VCPKMT: variants seen among roughly 807,000 people sequenced by gnomAD.
The protein encoded by VCPKMT is protein N-lysine methyltransferase METTL21D.
In VCPKMT, 32 loss-of-function variants were observed where a neutral mutation model predicts 28.6. That is an observed-to-expected ratio of 1.12 (90% CI 0.84 to 1.50). The LOEUF (loss-of-function observed/expected upper bound fraction) is 1.50, where lower values mean the gene tolerates loss of function less well. VCPKMT is among the 40% of genes most tolerant of loss of function. The probability of loss-of-function intolerance (pLI) is 0.00; values close to 1 mark genes in which losing one functional copy is unlikely to be tolerated. For missense variants in VCPKMT, 366 were observed against 285.0 expected (o/e 1.28, Z -2.05); for synonymous variants, 138 against 111.4 (o/e 1.24, Z -1.50).
the VCPKMT span, among the ~76,000 whole-genome samples, chr14:50,102,983 C>T: frequency 6.6e-6 from 1 of 152,242 alleles, no homozygotes; most frequent in Non-Finnish European, 1.5e-5. Flanking sequence ...GCATATGGCC[C>T]AGGACATCTT....
rs771190155 is a variant in VCPKMT, at chr14:50,116,522, CCTCCAGCGAGGA to C, written c.19_30del (p.Ser7_Glu10del). ...ACTCGCACAAAGCTCCGCAGTGGGT[CCTCCAGCGAGGA>C]CTCCAGCGTATCCGCCATTGCGCCC... On this transcript the variant is annotated inframe_deletion, in exon 1 of 6. Transcript: ENST00000395860. 4 of 1,613,262 alleles carry C rather than the reference CCTCCAGCGAGGA, an allele frequency of 2.5e-6. No homozygotes were observed. Among genetic ancestry groups the C allele is most frequent in the South Asian group, 2.2e-5 (2 of 91,036 alleles).
downstream of VCPKMT, among the ~76,000 whole-genome samples, chr14:50,107,127 T>C (rs1455407351): frequency 6.6e-6 from 1 of 152,216 alleles, no homozygotes; most frequent in African/African-American, 2.4e-5. Context: ...AAAGGAGACC[T>C]CTTCCAGAGC....
downstream of VCPKMT, among the ~76,000 whole-genome samples, chr14:50,107,591 G>A (rs549643035): frequency 2.6e-5 from 4 of 152,316 alleles, no homozygotes; most frequent in East Asian, 1.9e-4. Context: ...GCCACCGCGC[G>A]TGGGGCCTAT....
chr14:50,108,759 TA>T lies in VCPKMT; in HGVS notation c.*939del. 1.0e-6 allele frequency: 1 copy of T among 985,846 alleles called. No homozygotes were observed. The highest frequency in any genetic ancestry group is 1.2e-6 in the Non-Finnish European group (1 of 829,934). The allele number at this position is 985,846 out of a possible 1,614,324, so 61.1% of individuals were successfully genotyped here. On this transcript the variant is annotated 3_prime_UTR_variant, in exon 6 of 6. Coordinates refer to ENST00000395860, the MANE Select transcript of VCPKMT (RefSeq NM_024558.3). Reference sequence around the variant, plus strand: ...AGTATGATTAAAGTCCTTGACAGATTATTGTATATGAGCGAATGGCTTCATA... The same window carrying T: ...AGTATGATTAAAGTCCTTGACAGATTTTGTATATGAGCGAATGGCTTCATA...
At position 50,108,731 on chromosome 14, in the gene VCPKMT, A is replaced by G; in HGVS notation, c.*968T>C. 1.0e-6 allele frequency: 1 copy of G among 985,896 alleles called. No homozygotes were observed. The highest frequency in any genetic ancestry group is 1.2e-6 in the Non-Finnish European group (1 of 829,932). 61.1% of individuals were successfully genotyped at this position (985,896 alleles called of 1,614,324 possible). On this transcript the variant is annotated 3_prime_UTR_variant, in exon 6 of 6. Transcript: ENST00000395860. ...TTCCATCCGGTTACTACTCTTTGGA[A>G]CAAGTATGATTAAAGTCCTTGACAG...
At chr14:50,112,471 C>A in intron 5 of VCPKMT, 144 bp downstream of exon 5, 15 of 399,218 alleles carry the variant, frequency 3.8e-5, no homozygotes, top group East Asian at 2.3e-4. Context: ...ATTATCTTGA[C>A]AATGAAGTTA....
intron 4 of VCPKMT, among the ~76,000 whole-genome samples, chr14:50,113,672 GAGAAA>G (rs1326322300): frequency 6.7e-6 from 1 of 149,074 alleles, no homozygotes; most frequent in Non-Finnish European, 1.5e-5. Context: ...TAAATATGTA[GAGAAA>G]AACACAGAAG....
chr14:50,114,677 C>G (rs1173360922), intron 3 of VCPKMT, among the ~76,000 whole-genome samples: 1 of 152,148 alleles, frequency 6.6e-6, no homozygotes, highest in Non-Finnish European at 1.5e-5. Context: ...CCACCCCCCG[C>G]AACACCTTAC....
At chr14:50,104,536 A>T (rs1882258952), downstream of VCPKMT, among the ~76,000 whole-genome samples, 1 of 152,160 alleles carries the variant, frequency 6.6e-6, no homozygotes, top group Non-Finnish European at 1.5e-5. Flanking sequence ...TCCTCTAACA[A>T]TGTTTGTTAT....
chr14:50,112,839 T>G lies in VCPKMT; in HGVS notation c.571-120A>C, dbSNP rs548698504. The G allele has an allele frequency of 8.1e-5, 49 of 602,746 alleles. No homozygotes were observed. In the African/African-American group the frequency reaches 8.8e-4, roughly 11 times the overall value. The allele number at this position is 602,746 out of a possible 1,614,324, so 37.3% of individuals were successfully genotyped here. A position where few individuals can be genotyped will look rare whatever the true frequency, so the allele number is the denominator to read the frequency against. On this transcript the variant is annotated intron_variant, in intron 4 of 5. Coordinates refer to ENST00000395860, the MANE Select transcript of VCPKMT (RefSeq NM_024558.3). ...TCTCACTCTGTCACCCAGGCTGGAG[T>G]GCAGTGGTGCGATCTTGGCTCACTG... is the stretch of plus-strand genomic sequence containing the variant.
chr14:50,109,859 T>G, intron 5 of VCPKMT, 146 bp from the exon 6 acceptor site: 1 of 929,930 alleles, frequency 1.1e-6, no homozygotes, highest in Non-Finnish European at 1.5e-6. Flanking sequence ...ACCATGCATG[T>G]TTATAGATGG....
intron 5 of VCPKMT, chr14:50,111,421 T>C: frequency 1.0e-6 from 1 of 985,448 alleles, no homozygotes; most frequent in Non-Finnish European, 1.2e-6. Flanking sequence ...TTTATTTGCT[T>C]TTGACTAGAA....
intron 3 of VCPKMT, among the ~76,000 whole-genome samples, chr14:50,115,006 T>C (rs988010668): frequency 2.6e-5 from 4 of 152,218 alleles, no homozygotes; most frequent in Non-Finnish European, 5.9e-5. Flanking sequence ...ACCTTACTCT[T>C]AAAAGTTTAA....
chr14:50,114,660 A>C (rs2139443503), intron 3 of VCPKMT, among the ~76,000 whole-genome samples: 1 of 152,308 alleles, frequency 6.6e-6, no homozygotes, highest in African/African-American at 2.4e-5. Flanking sequence ...ATACAGCGAG[A>C]GACAAACCAC....
At chr14:50,106,616 C>A, downstream of VCPKMT, 1 of 985,468 alleles carries the variant, frequency 1.0e-6, no homozygotes, top group Non-Finnish European at 1.2e-6. Context: ...GCTTCGGAAT[C>A]TGCTGCTGGT....
intron 4 of VCPKMT, among the ~76,000 whole-genome samples, chr14:50,114,024 G>A (rs1186180535): frequency 6.6e-6 from 1 of 152,150 alleles, no homozygotes; most frequent in Non-Finnish European, 1.5e-5. Flanking sequence ...AATAAACACT[G>A]AAAACTGTTC....
chr14:50,107,454 A>T (rs1431170221), downstream of VCPKMT, among the ~76,000 whole-genome samples: 1 of 152,040 alleles, frequency 6.6e-6, no homozygotes, highest in Non-Finnish European at 1.5e-5. Context: ...AGCTGGGATT[A>T]CAGTGCACGC....
At chr14:50,112,865 C>T (rs1285297179) in intron 4 of VCPKMT, 146 bp from the exon 5 acceptor site, 4 of 492,850 alleles carry the variant, frequency 8.1e-6, no homozygotes, top group Non-Finnish European at 1.4e-5. Flanking sequence ...TGGCTCACTG[C>T]AACCTCCACC....
the VCPKMT span, among the ~76,000 whole-genome samples, chr14:50,103,181 C>T: frequency 1.3e-5 from 2 of 152,214 alleles, no homozygotes. Flanking sequence ...TGCCACTTTA[C>T]ACTGGCTGAT....
Sources: allele counts gnomAD v4.1 joint callset (sites outside exome capture counted in the v4.1 genomes callset), GRCh38; gene constraint gnomAD v4.1.1; transcripts MANE v1.5; gene names NCBI Gene and HGNC (gene_info 2026-07-23, HGNC 2026-07-21).